The following CWC25 variants were observed in gnomAD, a reference collection of about 807,000 sequenced individuals.
The protein encoded by CWC25 is CWC25 spliceosome associated protein.
In CWC25, 31 loss-of-function variants were observed where a neutral mutation model predicts 54.6. That is an observed-to-expected ratio of 0.57 (90% CI 0.43 to 0.77). The LOEUF (loss-of-function observed/expected upper bound fraction) is 0.77, where lower values mean the gene tolerates loss of function less well. Ranked by LOEUF, CWC25 falls within the 30% of genes least tolerant of loss-of-function variation. The pLI, the probability that CWC25 is intolerant of heterozygous loss-of-function variation, is 0.00. For missense variants in CWC25, 453 were observed against 529.3 expected (o/e 0.86, Z 1.41); for synonymous variants, 151 against 187.0 (o/e 0.81, Z 1.57).
rs1377320807 is a variant in CWC25, at chr17:38,800,464, G to A, written c.*1628C>T. 1.3e-5 allele frequency: 2 copies of A among 148,764 alleles called. No homozygotes were observed. Among genetic ancestry groups the A allele is most frequent in the Non-Finnish European group, 1.5e-5 (1 of 68,014 alleles). 9.2% of individuals were successfully genotyped at this position (148,764 alleles called of 1,614,324 possible). On this transcript the variant is annotated 3_prime_UTR_variant, in exon 10 of 10. Coordinates refer to ENST00000614790, the MANE Select transcript of CWC25 (RefSeq NM_017748.5). ...TCTTTAAACAGTTACAAAAATAAAT[G>A]TGGCCTTTATTACCAATTATAAAAT...
chr17:38,807,990 A>G (rs1466171047), intron 6 of CWC25, among the ~76,000 whole-genome samples: 2 of 134,654 alleles, frequency 1.5e-5, no homozygotes, highest in Non-Finnish European at 1.6e-5. Flanking sequence ...CAGGAGGCAG[A>G]GCTTGCAGTG....
chr17:38,824,208 T>C (rs1013967003), intron 1 of CWC25, among the ~76,000 whole-genome samples: 4 of 152,162 alleles, frequency 2.6e-5, no homozygotes, highest in Non-Finnish European at 5.9e-5. Context: ...CTCTTGTGGG[T>C]ACATTTACCC....
chr17:38,821,560 AAAC>A (rs1467674996), intron 1 of CWC25, among the ~76,000 whole-genome samples: 4 of 152,184 alleles, frequency 2.6e-5, no homozygotes, highest in Non-Finnish European at 4.4e-5. Flanking sequence ...CTCCGTCTCA[AAAC>A]AACAAGAACA....
intron 1 of CWC25, among the ~76,000 whole-genome samples, chr17:38,822,255 G>C (rs901587937): frequency 2.0e-5 from 3 of 152,068 alleles, no homozygotes; most frequent in African/African-American, 7.2e-5. Context: ...TAGAGATGGG[G>C]TTTCTCTATG....
intron 1 of CWC25, among the ~76,000 whole-genome samples, chr17:38,822,567 A>C (rs1911964943): frequency 6.6e-6 from 1 of 152,084 alleles, no homozygotes; most frequent in Non-Finnish European, 1.5e-5. Context: ...CTTTCCCAAT[A>C]ATGAAATGTT....
intron 4 of CWC25, among the ~76,000 whole-genome samples, chr17:38,811,577 T>C (rs1245551012): frequency 2.0e-5 from 3 of 146,906 alleles, no homozygotes; most frequent in Non-Finnish European, 4.5e-5. Flanking sequence ...CTGAGACCCC[T>C]ATCAGTCTCC....
Position 38,805,109 on chromosome 17 carries a change from G to GAA in CWC25, c.1001+1186_1001+1187dup, listed in dbSNP as rs34134200. On this transcript the variant is annotated intron_variant, in intron 8 of 9. Transcript: ENST00000614790. ...GCAACAAGAATGAAACTCCATCTCAGAAAAAAAAAAAAAAAATTAGCTGGG... is the reference window on the plus strand; with the variant it reads ...GCAACAAGAATGAAACTCCATCTCAGAAAAAAAAAAAAAAAAAATTAGCTGGG... Among the ~76,000 whole-genome samples the GAA allele has an allele frequency of 7.1e-3, 825 of 116,036 alleles. 3 individuals are homozygous for GAA. Among genetic ancestry groups the GAA allele is most frequent in the Non-Finnish European group, 0.011 (607 of 54,186 alleles). 76.1% of individuals were successfully genotyped at this position (116,036 alleles called of 152,430 possible).
intron 3 of CWC25, among the ~76,000 whole-genome samples, chr17:38,813,974 G>A (rs1911594756): frequency 6.6e-6 from 1 of 152,058 alleles, no homozygotes; most frequent in South Asian, 2.1e-4. Context: ...CCATTCTCCT[G>A]CCTCAGCCTC....
chr17:38,802,830 G>C lies in CWC25; in HGVS notation c.1033C>G (p.Arg345Gly). ...KLSAEELERK[R>G]QEMMENAKWR... ...TTGGCGTTTTCCATCATCTCTTGCCGTTTTCGCTCTAATTCCTCTGCAGAG... is the reference window on the plus strand; with the variant it reads ...TTGGCGTTTTCCATCATCTCTTGCCCTTTTCGCTCTAATTCCTCTGCAGAG... The change falls in exon 9 of 10, where the codon CGG becomes GGG. Residue 345 changes from arginine (R) to glycine (G), a missense_variant. Arg to Gly is a moderately radical substitution (Grantham distance 125, BLOSUM62 -2). Coordinates refer to ENST00000614790, the MANE Select transcript of CWC25 (RefSeq NM_017748.5). 6.2e-7 allele frequency: 1 copy of C among 1,613,896 alleles called. No homozygotes were observed. Among genetic ancestry groups the C allele is most frequent in the Non-Finnish European group, 8.5e-7 (1 of 1,179,870 alleles).
intron 6 of CWC25, among the ~76,000 whole-genome samples, chr17:38,809,002 T>C (rs1185481629): frequency 6.7e-6 from 1 of 149,868 alleles, no homozygotes; most frequent in Non-Finnish European, 1.5e-5. Flanking sequence ...GCCTTGAACT[T>C]GTACTTCCAG....
rs1911248822 is a variant in CWC25, at chr17:38,806,526, T to C, written c.903-131A>G. ...TCTAAGTGTGAGAAAAACAAAGGTA[T>C]AGGGTTTGATGTTAGACTCACCCCA... On this transcript the variant is annotated intron_variant, in intron 7 of 9. Coordinates refer to ENST00000614790, the MANE Select transcript of CWC25 (RefSeq NM_017748.5). The C allele has an allele frequency of 5.8e-6, 5 of 861,196 alleles. No homozygotes were observed. The South Asian group carries it at 6.8e-5, about 12-fold the overall frequency. The allele number at this position is 861,196 out of a possible 1,614,324, so 53.3% of individuals were successfully genotyped here.
In CWC25 at chr17:38,814,937, T is replaced by G; in HGVS notation, c.352A>C (p.Ile118Leu). ...SSETGLLPGS[I>L]FAPSGANSLL... ...GAATTGGCACCTGATGGGGCAAAGA[T>G]AGAGCCTGGGAGAAGTCCTGTTTCA... The change falls in exon 3 of 10, where the codon ATC becomes CTC. Residue 118 changes from isoleucine to leucine, a missense_variant. Physicochemically the swap from Ile to Leu is conservative, Grantham distance 5. Transcript: ENST00000614790. 1 of 1,613,712 alleles carries G rather than the reference T, an allele frequency of 6.2e-7. No homozygotes were observed. The highest frequency in any genetic ancestry group is 8.5e-7 in the Non-Finnish European group (1 of 1,179,870).
intron 8 of CWC25, among the ~76,000 whole-genome samples, chr17:38,804,217 A>C (rs9896804): frequency 2.0e-5 from 3 of 152,110 alleles, no homozygotes; most frequent in African/African-American, 7.2e-5. Context: ...GTATCAGTAA[A>C]CAATATTTAT....
chr17:38,807,406 T>C (rs1375742388), intron 6 of CWC25, among the ~76,000 whole-genome samples: 2 of 137,278 alleles, frequency 1.5e-5, no homozygotes, highest in African/African-American at 5.3e-5. Flanking sequence ...TATCATCACA[T>C]AGAATTATCA....
At chr17:38,802,370 A>G (rs924856872) in intron 9 of CWC25, among the ~76,000 whole-genome samples, 164 bp from the exon 10 acceptor site, 8 of 152,212 alleles carry the variant, frequency 5.3e-5, no homozygotes, top group African/African-American at 1.9e-4. Flanking sequence ...CTGGAACCAA[A>G]TGTTTTTAAA....
chr17:38,800,640 G>A lies in CWC25; in HGVS notation c.*1452C>T, dbSNP rs1165356526. ...CCAAATACATTTTAAGCAGAATTAG[G>A]AATTAGCAGAACAAGGAAATCGCCC... On this transcript the variant is annotated 3_prime_UTR_variant, in exon 10 of 10. Transcript: ENST00000614790. 6.6e-6 allele frequency: 1 copy of A among 152,202 alleles called. No individual in the cohort carries two copies. The highest frequency in any genetic ancestry group is 1.5e-5 in the Non-Finnish European group (1 of 68,030). 9.4% of individuals were successfully genotyped at this position (152,202 alleles called of 1,614,324 possible).
chr17:38,805,722 C>T (rs1006390151), intron 8 of CWC25, among the ~76,000 whole-genome samples: 1 of 152,154 alleles, frequency 6.6e-6, no homozygotes, highest in Non-Finnish European at 1.5e-5. Context: ...AACCTTAATC[C>T]CTTGACCTTA....
rs747385671 is a variant in CWC25 at position 38,812,748 on chromosome 17, T to A, written c.498+47A>T. 3.0e-5 allele frequency: 34 copies of A among 1,115,830 alleles called. No homozygotes were observed. The South Asian group carries it at 4.0e-4, about 13-fold the overall frequency. The allele number at this position is 1,115,830 out of a possible 1,614,324, so 69.1% of individuals were successfully genotyped here. A position where few individuals can be genotyped will look rare whatever the true frequency, so the allele number is the denominator to read the frequency against. ...AGTAAATGGAGAGACGTTCTCACGT[T>A]ATATGGCTAAAAGATGCTCTTGGTG... On this transcript the variant is annotated intron_variant, in intron 4 of 9. Transcript: ENST00000614790.
At chr17:38,804,650 AT>A (rs1390718208) in intron 8 of CWC25, among the ~76,000 whole-genome samples, 1 of 150,182 alleles carries the variant, frequency 6.7e-6, no homozygotes, top group African/African-American at 2.5e-5. Context: ...CTACTAAAAT[AT>A]ACAAAAATTA....
Sources: gnomAD v4.1 joint callset for allele counts (sites outside exome capture counted in the v4.1 genomes callset) on GRCh38, gnomAD v4.1.1 for gene constraint, MANE v1.5 for transcripts, NCBI Gene and HGNC (gene_info 2026-07-23, HGNC 2026-07-21) for gene names.